The following UQCC1 variants were observed in gnomAD, a reference collection of about 807,000 sequenced individuals.
UQCC1 encodes the protein bFGF-repressed Zic-binding protein.
In UQCC1, 38 loss-of-function variants were observed where a neutral mutation model predicts 48.0. The observed-to-expected ratio is 0.79, with a 90% CI of 0.61 to 1.04. The LOEUF is 1.04. Ranked by LOEUF, UQCC1 falls within the 50% of genes least tolerant of loss-of-function variation. UQCC1 has a pLI of 0.00. For synonymous variants in UQCC1, 111 were observed against 129.2 expected, an observed-to-expected ratio of 0.86 and a Z score of 0.95; for missense variants, 368 against 381.8, an observed-to-expected ratio of 0.96 and a Z score of 0.30.
chr20:35,396,248 A>C (rs1199123938), intron 1 of UQCC1, among the ~76,000 whole-genome samples: 1 of 144,460 alleles, frequency 6.9e-6, no homozygotes, highest in Non-Finnish European at 1.5e-5. Flanking sequence ...GACTCCCAAA[A>C]TGCTGGGATT....
chr20:35,366,966 C>T (rs769249572), intron 5 of UQCC1, among the ~76,000 whole-genome samples: 3 of 151,678 alleles, frequency 2.0e-5, no homozygotes, highest in Non-Finnish European at 2.9e-5. Context: ...TGGTGGTGGG[C>T]GCCTGTAATC....
chr20:35,337,847 T>A (rs1233528989), intron 7 of UQCC1, among the ~76,000 whole-genome samples: 1 of 152,162 alleles, frequency 6.6e-6, no homozygotes, highest in Non-Finnish European at 1.5e-5. Flanking sequence ...TTTTAATTTA[T>A]CTTAATCCCA....
chr20:35,365,092 G>A (rs2061651427), intron 6 of UQCC1, among the ~76,000 whole-genome samples: 1 of 152,144 alleles, frequency 6.6e-6, no homozygotes, highest in African/African-American at 2.4e-5. Flanking sequence ...AAGATGGCAG[G>A]CAGTGTGCCT....
At chr20:35,316,832 G>A (rs371099588) in intron 7 of UQCC1, among the ~76,000 whole-genome samples, 1 of 151,870 alleles carries the variant, frequency 6.6e-6, no homozygotes, top group African/African-American at 2.4e-5. Flanking sequence ...TACAGACGGG[G>A]TTTCACCGTG....
At chr20:35,320,889 T>C (rs2061116443) in intron 7 of UQCC1, among the ~76,000 whole-genome samples, 3 of 152,212 alleles carry the variant, frequency 2.0e-5, no homozygotes, top group Admixed American at 2.0e-4. Flanking sequence ...GCCTAAGGAC[T>C]ATATCAAATT....
At chr20:35,391,632 T>TC (rs2062015540) in intron 2 of UQCC1, among the ~76,000 whole-genome samples, 2 of 18,828 alleles carry the variant, frequency 1.1e-4, no homozygotes, top group Non-Finnish European at 1.7e-4. Context: ...GGACTCTGTC[T>TC]TAAAAAAAAA....
At chr20:35,329,812 C>T (rs1296895129) in intron 7 of UQCC1, among the ~76,000 whole-genome samples, 2 of 152,204 alleles carry the variant, frequency 1.3e-5, no homozygotes, top group African/African-American at 4.8e-5. Context: ...GCATAGTCAA[C>T]CCCAAGAGCT....
chr20:35,382,770 A>C (rs1456321022), intron 3 of UQCC1, among the ~76,000 whole-genome samples: 2 of 150,968 alleles, frequency 1.3e-5, no homozygotes, highest in African/African-American at 4.9e-5. Flanking sequence ...TCGGCCTCCC[A>C]AAGTGCTGGG....
chr20:35,389,912 C>T (rs1161066117), intron 2 of UQCC1, among the ~76,000 whole-genome samples: 3 of 152,054 alleles, frequency 2.0e-5, no homozygotes, highest in Non-Finnish European at 4.4e-5. Flanking sequence ...ATAATGTGTG[C>T]AAGAGACAGA....
intron 6 of UQCC1, among the ~76,000 whole-genome samples, chr20:35,352,242 G>C (rs2061497347): frequency 6.6e-6 from 1 of 152,244 alleles, no homozygotes; most frequent in Non-Finnish European, 1.5e-5. Flanking sequence ...CCATGGAAGA[G>C]TTCAGGATGT....
intron 7 of UQCC1, among the ~76,000 whole-genome samples, chr20:35,328,555 G>T (rs2061222537): frequency 6.6e-6 from 1 of 152,152 alleles, no homozygotes; most frequent in Non-Finnish European, 1.5e-5. Flanking sequence ...AAAGGAAACA[G>T]GCATAGAGAC....
At chr20:35,371,105 A>T (rs2061724850) in intron 5 of UQCC1, among the ~76,000 whole-genome samples, 1 of 152,202 alleles carries the variant, frequency 6.6e-6, no homozygotes, top group Non-Finnish European at 1.5e-5. Context: ...ACTTTTCTTA[A>T]GTTTTATAAG....
intron 3 of UQCC1, among the ~76,000 whole-genome samples, chr20:35,383,608 G>A (rs2061902307): frequency 6.6e-6 from 1 of 152,088 alleles, no homozygotes; most frequent in African/African-American, 2.4e-5. Context: ...CCAGCACTTA[G>A]GGAGGCTGAG....
intron 8 of UQCC1, among the ~76,000 whole-genome samples, chr20:35,312,893 G>T (rs2061009754): frequency 6.6e-6 from 1 of 152,124 alleles, no homozygotes; most frequent in Non-Finnish European, 1.5e-5. Flanking sequence ...TGGTTGCTAG[G>T]GGATATGAGG....
chr20:35,376,627 C>G (rs955194516), intron 4 of UQCC1, among the ~76,000 whole-genome samples: 1 of 152,104 alleles, frequency 6.6e-6, no homozygotes, highest in Non-Finnish European at 1.5e-5. Flanking sequence ...AAACTGCAGA[C>G]CCAGATAGCA....
intron 5 of UQCC1, among the ~76,000 whole-genome samples, chr20:35,372,562 T>C (rs1372091355): frequency 2.0e-5 from 3 of 152,206 alleles, no homozygotes; most frequent in Non-Finnish European, 1.5e-5. Context: ...ATTTATTTGA[T>C]TTTTAAAAAC....
chr20:35,411,813 C>G, intron 1 of UQCC1, 127 bp downstream of exon 1: 1 of 1,275,222 alleles, frequency 7.8e-7, no homozygotes, highest in South Asian at 1.2e-5. Context: ...CACGGAAAAG[C>G]GGCCACTCAG....
At position 35,387,738 on chromosome 20, in the gene UQCC1, A is replaced by C. The variant is rs547158513; in HGVS notation, c.130-3605T>G. 4.5e-4 allele frequency among the ~76,000 whole-genome samples: 69 copies of C among 152,272 alleles called. No individual in the cohort carries two copies. In the South Asian group the frequency reaches 0.013, roughly 28 times the overall value. On this transcript the variant is annotated intron_variant, in intron 2 of 9. Transcript: ENST00000374385. ...TTCTGGTCCAACCTTTTCACTTCAC[A>C]GATGAGGAAACTAAGACAAAGGGAG... is the stretch of plus-strand genomic sequence containing the variant.
At chr20:35,330,487 G>C (rs1329958713) in intron 7 of UQCC1, among the ~76,000 whole-genome samples, 1 of 152,202 alleles carries the variant, frequency 6.6e-6, no homozygotes, top group African/African-American at 2.4e-5. Flanking sequence ...CCTGGGTGGG[G>C]CTTCCTGCCA....
Sources: allele counts gnomAD v4.1 joint callset (sites outside exome capture counted in the v4.1 genomes callset), GRCh38; gene constraint gnomAD v4.1.1; transcripts MANE v1.5; gene names NCBI Gene and HGNC (gene_info 2026-07-23, HGNC 2026-07-21).